OR6B1: variants seen among roughly 807,000 people sequenced by gnomAD.
OR6B1 encodes olfactory receptor family 6 subfamily B member 1.
In OR6B1, 15 loss-of-function variants were observed where a neutral mutation model predicts 15.4. The ratio of observed to expected loss-of-function variants is 0.97; its 90% confidence interval spans 0.65 to 1.50. The LOEUF (loss-of-function observed/expected upper bound fraction) is 1.50. Ranked by LOEUF, OR6B1 falls within the 40% of genes most tolerant of loss-of-function variation. The probability of loss-of-function intolerance (pLI) is 0.00; values close to 1 mark genes in which losing one functional copy is unlikely to be tolerated. For synonymous variants in OR6B1, 139 were observed against 144.9 expected, an observed-to-expected ratio of 0.96 and a Z score of 0.29; for missense variants, 384 against 385.0, an observed-to-expected ratio of 1.00 and a Z score of 0.02.
At position 144,005,993 on chromosome 7, in the gene OR6B1, T is replaced by G. The variant is rs1049477241; in HGVS notation, c.*1061T>G. ...ATATATTTTTAAGCTGTATTCAACA[T>G]AGTGGGCCAACATCAGTGGGAATTT... On this transcript the variant is annotated 3_prime_UTR_variant, in exon 2 of 2. Coordinates refer to ENST00000641698, the MANE Select transcript of OR6B1 (RefSeq NM_001005281.3). 4.6e-5 allele frequency: 7 copies of G among 152,244 alleles called. No individual in the cohort carries two copies. The highest frequency in any genetic ancestry group is 1.7e-4 in the African/African-American group (7 of 41,466). 9.4% of individuals were successfully genotyped at this position (152,244 alleles called of 1,614,324 possible). A position where few individuals can be genotyped will look rare whatever the true frequency, so the allele number is the denominator to read the frequency against.
intron 1 of OR6B1, among the ~76,000 whole-genome samples, chr7:144,003,707 G>T (rs1032817298): frequency 6.6e-6 from 1 of 151,788 alleles, no homozygotes; most frequent in African/African-American, 2.4e-5. Flanking sequence ...TGCTACCAGT[G>T]ACAACGTGGT....
intron 1 of OR6B1, among the ~76,000 whole-genome samples, chr7:144,001,129 C>T (rs1008039708): frequency 7.2e-5 from 11 of 152,206 alleles, no homozygotes; most frequent in African/African-American, 2.7e-4. Context: ...TGCATAGCAG[C>T]AGACATAAGA....
At chr7:144,003,593 G>T (rs989919806) in intron 1 of OR6B1, among the ~76,000 whole-genome samples, 1 of 152,184 alleles carries the variant, frequency 6.6e-6, no homozygotes, top group East Asian at 1.9e-4. Context: ...GAGACAGGAA[G>T]GTCAGGTGTA....
chr7:144,001,304 C>A (rs2050583669), intron 1 of OR6B1, among the ~76,000 whole-genome samples: 1 of 152,182 alleles, frequency 6.6e-6, no homozygotes, highest in East Asian at 1.9e-4. Context: ...GCCAGTGCAC[C>A]TTCATTCAGT....
chr7:144,005,159 C>A lies in OR6B1; in HGVS notation c.*227C>A. On this transcript the variant is annotated 3_prime_UTR_variant, in exon 2 of 2. Transcript: ENST00000641698. The stretch of plus-strand genomic sequence containing the variant: ...AAAACAGTTCTCAATGGTTGTGACC[C>A]CAAATGGGGTTTCTAAGACTGTGAG... The A allele has an allele frequency of 2.1e-6, 1 of 471,950 alleles. No homozygotes were observed. 29.2% of individuals were successfully genotyped at this position (471,950 alleles called of 1,614,324 possible). A position where few individuals can be genotyped will look rare whatever the true frequency, so the allele number is the denominator to read the frequency against.
At chr7:144,003,936 G>A in intron 1 of OR6B1, 36 bp from the exon 2 acceptor site, 1 of 1,097,742 alleles carries the variant, frequency 9.1e-7, no homozygotes, top group Non-Finnish European at 1.3e-6. Context: ...ATATAGCTGG[G>A]CCATGGAGTC....
rs544654409 is a variant in OR6B1 at position 144,002,807 on chromosome 7, C to T, written c.-25-1165C>T. Among the ~76,000 whole-genome samples, 4 of 152,224 alleles carry T rather than the reference C, an allele frequency of 2.6e-5. No individual in the cohort carries two copies. The South Asian group carries it at 6.2e-4, about 24-fold the overall frequency. Reference sequence around the variant, plus strand: ...GTCCTGCACCTTCTGGCCCTGGCTTCCTGCCTTCTTCCTTGGCTCCTTTCC... The same window carrying T: ...GTCCTGCACCTTCTGGCCCTGGCTTTCTGCCTTCTTCCTTGGCTCCTTTCC... On this transcript the variant is annotated intron_variant, in intron 1 of 1. Transcript: ENST00000641698.
rs142237296 is a variant in OR6B1, at chr7:144,004,915, G to T, written c.919G>T (p.Ala307Ser). The T allele has an allele frequency of 1.6e-3, 2,526 of 1,602,246 alleles. 3 individuals are homozygous for T. Among genetic ancestry groups the T allele is most frequent in the Admixed American group, 2.0e-3 (119 of 59,410 alleles). Residue 307 changes from alanine (A) to serine (S), a missense_variant, in exon 2 of 2, where the codon GCC (alanine) becomes TCC (serine). Transcript: ENST00000641698. Reference sequence around the variant, plus strand: ...TCTGAAGAAACTGGCATATTGCCAGGCCAGCAGATCTGACTAGTCAATTAC... The same window carrying T: ...TCTGAAGAAACTGGCATATTGCCAGTCCAGCAGATCTGACTAGTCAATTAC... Reference protein sequence around the residue: ...EALKKLAYCQASRSD With the variant: ...EALKKLAYCQSSRSD
chr7:144,001,101 G>C (rs1389298256), intron 1 of OR6B1, among the ~76,000 whole-genome samples: 1 of 152,178 alleles, frequency 6.6e-6, no homozygotes, highest in Non-Finnish European at 1.5e-5. Flanking sequence ...ATAGAACCCT[G>C]ACAAAGTTGG....
intron 1 of OR6B1, among the ~76,000 whole-genome samples, chr7:144,001,162 C>T (rs758800457): frequency 8.5e-5 from 13 of 152,140 alleles, no homozygotes; most frequent in Non-Finnish European, 1.6e-4. Flanking sequence ...TGATTCTAGA[C>T]CAGTGGTAAA....
intron 1 of OR6B1, among the ~76,000 whole-genome samples, chr7:144,003,478 GTGATGACAGC>G (rs1204639145): frequency 1.3e-5 from 2 of 152,112 alleles, no homozygotes; most frequent in Non-Finnish European, 2.9e-5. Context: ...TACCTCATAG[GTGATGACAGC>G]TACTCTCTAT....
At position 144,007,190 on chromosome 7, in the gene OR6B1, G is replaced by A. The variant is rs182620895; in HGVS notation, c.*2258G>A. On this transcript the variant is annotated 3_prime_UTR_variant, in exon 2 of 2. Coordinates refer to ENST00000641698, the MANE Select transcript of OR6B1 (RefSeq NM_001005281.3). ...TAAATTTTTTTTTCAAATAACAGAT[G>A]GAACATTGAGCTCCTTCCCCTTTGT... 1.3e-3 allele frequency: 203 copies of A among 152,190 alleles called. No homozygotes were observed. Among genetic ancestry groups the A allele is most frequent in the African/African-American group, 4.7e-3 (195 of 41,508 alleles). 9.4% of individuals were successfully genotyped at this position (152,190 alleles called of 1,614,324 possible).
At chr7:144,001,120 G>A (rs1039993579) in intron 1 of OR6B1, among the ~76,000 whole-genome samples, 1 of 152,228 alleles carries the variant, frequency 6.6e-6, no homozygotes, top group East Asian at 1.9e-4. Context: ...GGGGAAAAGT[G>A]CATAGCAGCA....
At position 144,007,232 on chromosome 7, in the gene OR6B1, T is replaced by G. The variant is rs543378834; in HGVS notation, c.*2300T>G. On this transcript the variant is annotated 3_prime_UTR_variant, in exon 2 of 2. Coordinates refer to ENST00000641698, the MANE Select transcript of OR6B1 (RefSeq NM_001005281.3). ...CCCCTTTGTGGAAGGAATACCTAAG[T>G]GCACAGGCTCAGCAAAGTAAGGACA... The G allele has an allele frequency of 6.6e-6, 1 of 152,128 alleles. No homozygotes were observed. The highest frequency in any genetic ancestry group is 2.4e-5 in the African/African-American group (1 of 41,420). 9.4% of individuals were successfully genotyped at this position (152,128 alleles called of 1,614,324 possible).
At chr7:144,003,510 G>A (rs539699184) in intron 1 of OR6B1, among the ~76,000 whole-genome samples, 1 of 152,252 alleles carries the variant, frequency 6.6e-6, no homozygotes, top group African/African-American at 2.4e-5. Flanking sequence ...TCCAGGGATG[G>A]TAGATGAAAA....
intron 1 of OR6B1, among the ~76,000 whole-genome samples, chr7:144,002,001 T>G (rs938889308): frequency 2.6e-5 from 4 of 152,238 alleles, no homozygotes; most frequent in African/African-American, 4.8e-5. Context: ...TCTCTAATAG[T>G]CTCAGCTTAT....
At position 144,004,517 on chromosome 7, in the gene OR6B1, T is replaced by A; in HGVS notation, c.521T>A (p.Ile174Asn). 3.7e-6 allele frequency: 6 copies of A among 1,614,208 alleles called. No homozygotes were observed. The highest frequency in any genetic ancestry group is 5.1e-6 in the Non-Finnish European group (6 of 1,180,040). ...SCLSFCGPNVINHFFCDISPV... is the reference protein window; with the variant it reads ...SCLSFCGPNVNNHFFCDISPV... ...CTCAGCTTCTGTGGTCCCAATGTCA[T>A]CAACCACTTCTTCTGTGACATCTCT... Residue 174 changes from isoleucine to asparagine, a missense_variant, in exon 2 of 2, where the codon ATC becomes AAC. By Grantham distance (149) the Ile-to-Asn change is moderately radical. Transcript: ENST00000641698.
intron 1 of OR6B1, 170 bp from the exon 2 acceptor site, chr7:144,003,802 C>CAA: frequency 1.7e-6 from 1 of 594,490 alleles, no homozygotes; most frequent in Non-Finnish European, 3.0e-6. Context: ...CACACACACA[C>CAA]ACACACACGG....
At position 144,004,413 on chromosome 7, in the gene OR6B1, G is replaced by A. The variant is rs1203102273; in HGVS notation, c.417G>A (p.Gly139=). ...PLHYPTIMSH[G]LCFRLALGSW... ...ACTACCCAACCATAATGAGCCATGG[G>A]CTCTGCTTCCGCCTCGCTCTTGGTT... Residue 139 remains glycine (G), a synonymous_variant, in exon 2 of 2, where the codon GGG becomes GGA. Transcript: ENST00000641698. The A allele has an allele frequency of 1.2e-6, 2 of 1,614,074 alleles. No homozygotes were observed. Among genetic ancestry groups the A allele is most frequent in the Non-Finnish European group, 8.5e-7 (1 of 1,180,056 alleles).
Sources: allele counts gnomAD v4.1 joint callset (sites outside exome capture counted in the v4.1 genomes callset), GRCh38; gene constraint gnomAD v4.1.1; transcripts MANE v1.5; gene names NCBI Gene and HGNC (gene_info 2026-07-23, HGNC 2026-07-21).